TUBD1: variants seen among roughly 807,000 people sequenced by gnomAD.
The protein encoded by TUBD1 is tubulin delta 1.
A neutral mutation model predicts 51.2 loss-of-function variants in TUBD1; 38 were observed. The ratio of observed to expected loss-of-function variants is 0.74; its 90% confidence interval spans 0.57 to 0.97. The LOEUF (loss-of-function observed/expected upper bound fraction) is 0.97, where lower values mean the gene tolerates loss of function less well. Among genes scored for constraint, TUBD1 ranks in the 50% least tolerant of loss-of-function variants. The pLI, the probability that TUBD1 is intolerant of heterozygous loss-of-function variation, is 0.00. For synonymous variants in TUBD1, 169 were observed against 178.2 expected (o/e 0.95, Z 0.41); for missense variants, 489 against 538.4 (o/e 0.91, Z 0.91).
chr17:59,863,280 C>T (rs182364445), intron 8 of TUBD1, among the ~76,000 whole-genome samples: 3 of 152,194 alleles, frequency 2.0e-5, no homozygotes, highest in African/African-American at 4.8e-5. Context: ...TCCTGCAGAT[C>T]GGACCTCATG....
At chr17:59,875,171 C>T (rs192480328) in intron 5 of TUBD1, among the ~76,000 whole-genome samples, 89 of 148,822 alleles carry the variant, frequency 6.0e-4, no homozygotes, top group African/African-American at 2.0e-3. Context: ...CTCTGCCTCC[C>T]ACGATCAAGC....
intron 2 of TUBD1, among the ~76,000 whole-genome samples, chr17:59,888,005 G>C (rs1218596049): frequency 6.6e-6 from 1 of 151,562 alleles, no homozygotes; most frequent in Admixed American, 6.6e-5. Context: ...TGCGATCTCA[G>C]CTCACTGCAA....
intron 6 of TUBD1, among the ~76,000 whole-genome samples, chr17:59,873,043 G>A (rs146706847): frequency 4.0e-5 from 6 of 151,572 alleles, no homozygotes; most frequent in Non-Finnish European, 5.9e-5. Flanking sequence ...GATTACAGGC[G>A]TGAGCTACTG....
intron 3 of TUBD1, chr17:59,885,607 A>C: frequency 1.1e-6 from 1 of 942,282 alleles, no homozygotes; most frequent in South Asian, 1.4e-5. Context: ...TCATTCCTAG[A>C]AATTTAACCT....
chr17:59,860,430 A>AC lies in TUBD1; in HGVS notation c.1260-7_1260-6insG. 2.1e-6 allele frequency: 3 copies of AC among 1,413,214 alleles called. No homozygotes were observed. The highest frequency in any genetic ancestry group is 2.9e-6 in the Non-Finnish European group (3 of 1,024,230). 87.5% of individuals were successfully genotyped at this position (1,413,214 alleles called of 1,614,324 possible). On this transcript the variant is annotated splice_region_variant and splice_polypyrimidine_tract_variant and intron_variant, in intron 8 of 8. Transcript: ENST00000325752. ...TGTACTGATGAATGTAGGCTCTGGTAGAAAAAAAAAAAAAACAGAAATTAC... is the reference window on the plus strand; with the variant it reads ...TGTACTGATGAATGTAGGCTCTGGTACGAAAAAAAAAAAAAACAGAAATTAC...
In TUBD1 at chr17:59,866,706, A is replaced by G. The variant is rs1422216332; in HGVS notation, c.978T>C (p.Pro326=). Residue 326 remains proline (P), a synonymous_variant, in exon 7 of 9, where the codon CCT becomes CCC. Transcript: ENST00000325752. ...CCTTGTTGAGAGACATTTTACTAAG[A>G]GGAGGAAGTCCTGATAAAGGAGGCC... ...HVWPPLSGLP[P]LSKMSLNKDL... 5 of 1,614,008 alleles carry G rather than the reference A, an allele frequency of 3.1e-6. No homozygotes were observed. The highest frequency in any genetic ancestry group is 2.2e-5 in the East Asian group (1 of 44,876).
In TUBD1 at chr17:59,866,623, T is replaced by C. The variant is rs1225867208; in HGVS notation, c.1061A>G (p.Gln354Arg). The C allele has an allele frequency of 1.9e-6, 3 of 1,613,916 alleles. No individual in the cohort carries two copies. The Admixed American group carries it at 5.0e-5, about 27-fold the overall frequency. Residue 354 changes from glutamine (Q) to arginine (R), a missense_variant, in exon 7 of 9, where the codon CAA (glutamine) becomes CGA (arginine). Transcript: ENST00000325752. Reference protein sequence around the residue: ...NLVILRGKDVQSADVEGFKDP... With the variant: ...NLVILRGKDVRSADVEGFKDP... ...GAATTTCTTACCCACATCTGCACTT[T>C]GCACATCTTTCCCACGAAGAATGAC...
intron 2 of TUBD1, among the ~76,000 whole-genome samples, chr17:59,888,091 C>G (rs1023443853): frequency 6.6e-6 from 1 of 152,100 alleles, no homozygotes; most frequent in Non-Finnish European, 1.5e-5. Context: ...CCCGCCACCA[C>G]GCCTGGCTAA....
At position 59,868,703 on chromosome 17, in the gene TUBD1, G is replaced by GGT. The variant is rs1353070416; in HGVS notation, c.935-1955_935-1954insAC. ...AATACAAAAATTAGCTGGGCGTGGTGGCACACGCCTGTAGTCCCAGCTACT... is the reference window on the plus strand; with the variant it reads ...AATACAAAAATTAGCTGGGCGTGGTGGTGCACACGCCTGTAGTCCCAGCTACT... On this transcript the variant is annotated intron_variant, in intron 6 of 8. Coordinates refer to ENST00000325752, the MANE Select transcript of TUBD1 (RefSeq NM_016261.4). Among the ~76,000 whole-genome samples the GGT allele has an allele frequency of 2.3e-3, 345 of 151,726 alleles. 2 individuals are homozygous for GGT. Among genetic ancestry groups the GGT allele is most frequent in the South Asian group, 5.4e-3 (26 of 4,788 alleles).
At chr17:59,889,871 G>A (rs1226911969) in intron 2 of TUBD1, among the ~76,000 whole-genome samples, 2 of 150,756 alleles carry the variant, frequency 1.3e-5, no homozygotes, top group Non-Finnish European at 2.9e-5. Flanking sequence ...TTGGGAGGCT[G>A]AGGCAGGAGA....
chr17:59,889,010 C>CTTTTT lies in TUBD1; in HGVS notation c.172+1816_172+1820dup, dbSNP rs756097623. Among the ~76,000 whole-genome samples, 17 of 55,796 alleles carry CTTTTT rather than the reference C, an allele frequency of 3.0e-4. 1 individual carries two copies. Among genetic ancestry groups the CTTTTT allele is most frequent in the African/African-American group, 9.1e-4 (11 of 12,070 alleles). The allele number at this position is 55,796 out of a possible 152,430, so 36.6% of individuals were successfully genotyped here. ...TACAGGGATGAGCCACCATGCCTGG[C>CTTTTT]TTTTTTTTTTTTTTTTTTTTTTTGA... is the stretch of plus-strand genomic sequence containing the variant. On this transcript the variant is annotated intron_variant, in intron 2 of 8. Transcript: ENST00000325752.
At chr17:59,875,494 A>G (rs1365104044) in intron 5 of TUBD1, among the ~76,000 whole-genome samples, 1 of 151,814 alleles carries the variant, frequency 6.6e-6, no homozygotes, top group Non-Finnish European at 1.5e-5. Context: ...CACGCCTGTA[A>G]TCCCAGCACT....
At chr17:59,890,765 G>A in intron 2 of TUBD1, 66 bp downstream of exon 2, 1 of 1,346,904 alleles carries the variant, frequency 7.4e-7, no homozygotes, top group Non-Finnish European at 1.0e-6. Flanking sequence ...AAAACCATGT[G>A]GAAGGCCTGG....
intron 2 of TUBD1, 67 bp from the exon 3 acceptor site, chr17:59,886,297 C>CATTTATTAGATG (rs2040722029): frequency 7.0e-7 from 1 of 1,425,686 alleles, no homozygotes; most frequent in Non-Finnish European, 9.4e-7. Context: ...ATTTGGGTAA[C>CATTTATTAGATG]TCAGAGCATC....
intron 6 of TUBD1, 47 bp downstream of exon 6, chr17:59,874,492 A>C: frequency 1.3e-6 from 2 of 1,586,506 alleles, no homozygotes; most frequent in Non-Finnish European, 1.7e-6. Flanking sequence ...TCCAGGACAG[A>C]CATTTTTTCC....
chr17:59,865,047 G>A (rs1175465264), intron 7 of TUBD1, among the ~76,000 whole-genome samples: 7 of 151,492 alleles, frequency 4.6e-5, no homozygotes, highest in Non-Finnish European at 8.8e-5. Context: ...TTGTGGAGAT[G>A]GGGTCTCGTT....
At chr17:59,875,745 CAA>C (rs34745648) in intron 5 of TUBD1, among the ~76,000 whole-genome samples, 4 of 124,408 alleles carry the variant, frequency 3.2e-5, no homozygotes, top group Admixed American at 8.3e-5. Context: ...GACTCTGTCT[CAA>C]AAAAAAAAAA....
chr17:59,867,262 C>G (rs1472022904), intron 6 of TUBD1, among the ~76,000 whole-genome samples: 1 of 152,078 alleles, frequency 6.6e-6, no homozygotes, highest in Non-Finnish European at 1.5e-5. Context: ...CCTCAAACTC[C>G]TGGGCTCAAA....
Position 59,860,364 on chromosome 17 carries a change from G to A in TUBD1, c.1320C>T (p.Phe440=), listed in dbSNP as rs1293587367. 4.3e-6 allele frequency: 7 copies of A among 1,609,264 alleles called. No homozygotes were observed. Among genetic ancestry groups the A allele is most frequent in the Non-Finnish European group, 5.9e-6 (7 of 1,177,700 alleles). ...GIEEEDFLDS[F]TSLEQVVASY... ...TGGCAACAACCTGCTCTAATGACGT[G>A]AAACTGTCTAAAAAGTCCTCTTCTT... Residue 440 remains phenylalanine (F), a synonymous_variant, in exon 9 of 9, where the codon TTC becomes TTT. Transcript: ENST00000325752.
Sources: gnomAD v4.1 joint callset for allele counts (sites outside exome capture counted in the v4.1 genomes callset) on GRCh38, gnomAD v4.1.1 for gene constraint, MANE v1.5 for transcripts, NCBI Gene and HGNC (gene_info 2026-07-23, HGNC 2026-07-21) for gene names.